Variants in GALNT18 observed in about 807,000 individuals in gnomAD.
The protein encoded by GALNT18 is GalNAc-transferase 18.
GALNT18 carries 44 observed loss-of-function variants against 69.5 expected under a neutral mutation model. That is an observed-to-expected ratio of 0.63 (90% CI 0.50 to 0.81). The LOEUF (loss-of-function observed/expected upper bound fraction) is 0.81, where lower values mean the gene tolerates loss of function less well. Ranked by LOEUF, GALNT18 falls within the 40% of genes least tolerant of loss-of-function variation. The pLI is 0.00. For missense variants in GALNT18, 715 were observed against 810.0 expected (o/e 0.88, Z 1.42); for synonymous variants, 364 against 318.2 (o/e 1.14, Z -1.53).
At chr11:11,368,334 C>A (rs1409357346) in intron 6 of GALNT18, among the ~76,000 whole-genome samples, 2 of 152,168 alleles carry the variant, frequency 1.3e-5, no homozygotes, top group African/African-American at 4.8e-5. Context: ...CTTCTTAAAT[C>A]TGAGGATTGG....
At chr11:11,376,145 G>C (rs904236946) in intron 5 of GALNT18, among the ~76,000 whole-genome samples, 11 of 152,168 alleles carry the variant, frequency 7.2e-5, no homozygotes, top group African/African-American at 2.7e-4. Flanking sequence ...CACTTTGGGA[G>C]GCCGAGGCGG....
intron 1 of GALNT18, among the ~76,000 whole-genome samples, chr11:11,456,026 C>T (rs1243272698): frequency 2.0e-5 from 3 of 152,180 alleles, no homozygotes; most frequent in African/African-American, 7.2e-5. Flanking sequence ...GAGGTCGAGG[C>T]TGCAGTGAGC....
chr11:11,287,920 GT>G (rs1849223180), intron 10 of GALNT18, among the ~76,000 whole-genome samples: 2 of 152,136 alleles, frequency 1.3e-5, no homozygotes, highest in Non-Finnish European at 2.9e-5. Context: ...CCATCATTGT[GT>G]AATAACCTGC....
Position 11,463,193 on chromosome 11 carries a change from C to T in GALNT18, c.236-14257G>A, listed in dbSNP as rs1856082959. Among the ~76,000 whole-genome samples, 1 of 137,734 alleles carries T rather than the reference C, an allele frequency of 7.3e-6. No individual in the cohort carries two copies. Among genetic ancestry groups the T allele is most frequent in the Non-Finnish European group, 1.6e-5 (1 of 64,220 alleles). The allele number at this position is 137,734 out of a possible 152,430, so 90.4% of individuals were successfully genotyped here. On this transcript the variant is annotated intron_variant, in intron 1 of 10. Transcript: ENST00000227756. This position sits in a 1 kb window ranked among gnomAD's most constrained non-coding sequence, Gnocchi z 4.2. The stretch of plus-strand genomic sequence containing the variant: ...GTATCCTCACACATGGACATACACA[C>T]TCAGACAGACAGACAGACACACACA...
In GALNT18 at chr11:11,613,938, G is replaced by A. The variant is rs138468786; in HGVS notation, c.235+7421C>T. On this transcript the variant is annotated intron_variant, in intron 1 of 10. Coordinates refer to ENST00000227756, the MANE Select transcript of GALNT18 (RefSeq NM_198516.3). This position sits in a 1 kb window ranked among gnomAD's most constrained non-coding sequence, Gnocchi z 4.2. ...TTACATTTATCACTCACATTCAGCCGGGTTTTCCCTCCAGGAACTTTCTGT... is the reference window on the plus strand; with the variant it reads ...TTACATTTATCACTCACATTCAGCCAGGTTTTCCCTCCAGGAACTTTCTGT... 2.0e-3 allele frequency among the ~76,000 whole-genome samples: 308 copies of A among 152,214 alleles called. 2 individuals are homozygous for A. Among genetic ancestry groups the A allele is most frequent in the African/African-American group, 7.1e-3 (293 of 41,532 alleles).
chr11:11,324,976 A>G (rs931873529), intron 9 of GALNT18, among the ~76,000 whole-genome samples: 2 of 152,254 alleles, frequency 1.3e-5, no homozygotes, highest in South Asian at 4.1e-4. Flanking sequence ...AAGTAGAACT[A>G]CCATTTGATC....
rs1374154041 is a variant in GALNT18, at chr11:11,459,514, T to G, written c.236-10578A>C. Reference sequence around the variant, plus strand: ...AGGGTGGGGTCTGCCATCCAAGAGATGTCCCACTGCAAGGCCAAGTGCAGA... The same window carrying G: ...AGGGTGGGGTCTGCCATCCAAGAGAGGTCCCACTGCAAGGCCAAGTGCAGA... On this transcript the variant is annotated intron_variant, in intron 1 of 10. Coordinates refer to ENST00000227756, the MANE Select transcript of GALNT18 (RefSeq NM_198516.3). This position sits in a 1 kb window ranked among gnomAD's most constrained non-coding sequence, Gnocchi z 5.0. 6.6e-6 allele frequency among the ~76,000 whole-genome samples: 1 copy of G among 152,178 alleles called. No individual in the cohort carries two copies. Among genetic ancestry groups the G allele is most frequent in the Non-Finnish European group, 1.5e-5 (1 of 68,034 alleles).
At chr11:11,330,387 C>T (rs1590041273) in intron 8 of GALNT18, among the ~76,000 whole-genome samples, 1 of 152,216 alleles carries the variant, frequency 6.6e-6, no homozygotes, top group Non-Finnish European at 1.5e-5. Flanking sequence ...ATTGTGGCTG[C>T]ATCCCACTTT....
chr11:11,523,643 C>T lies in GALNT18; in HGVS notation c.236-74707G>A, dbSNP rs372303312. On this transcript the variant is annotated intron_variant, in intron 1 of 10. Transcript: ENST00000227756. The surrounding 1 kb of genome is among the most constrained non-coding windows in gnomAD (Gnocchi z 4.3). ...CTGAGGCAGGAGAATGGTGAGAACC[C>T]GGGAGGAAGAGGTTGCAGTGAGCCG... 5.2e-4 allele frequency among the ~76,000 whole-genome samples: 79 copies of T among 151,194 alleles called. No individual in the cohort carries two copies. Among genetic ancestry groups the T allele is most frequent in the African/African-American group, 1.8e-3 (74 of 41,110 alleles).
chr11:11,281,169 G>A (rs950752712), intron 10 of GALNT18, among the ~76,000 whole-genome samples: 1 of 152,160 alleles, frequency 6.6e-6, no homozygotes, highest in Non-Finnish European at 1.5e-5. Context: ...TAATTTGCAA[G>A]ATCTGTTGGC....
rs1014816297 is a variant in GALNT18, at chr11:11,621,641, G to A, written c.-48C>T. The A allele has an allele frequency of 9.1e-6, 13 of 1,429,568 alleles. No homozygotes were observed. The African/African-American group carries it at 1.3e-4, about 14-fold the overall frequency. 88.6% of individuals were successfully genotyped at this position (1,429,568 alleles called of 1,614,324 possible). On this transcript the variant is annotated 5_prime_UTR_variant, in exon 1 of 11. It adds an upstream start codon to the 5' untranslated region. Transcript: ENST00000227756. This position sits in a 1 kb window ranked among gnomAD's most constrained non-coding sequence, Gnocchi z 9.3. ...GAGCTCCCGGGGGCCCTTCCTTGTC[G>A]TGCGCCCCGAACTCCCCCGCGCTCG...
At position 11,616,855 on chromosome 11, in the gene GALNT18, T is replaced by C. The variant is rs1232934726; in HGVS notation, c.235+4504A>G. ...CAATGAAATATGACGGCTAAAAAGA[T>C]GAGTGTTGTTTCTAAGAAAATTACT... is the stretch of plus-strand genomic sequence containing the variant. On this transcript the variant is annotated intron_variant, in intron 1 of 10. Transcript: ENST00000227756. This position sits in a 1 kb window ranked among gnomAD's most constrained non-coding sequence, Gnocchi z 4.4. Among the ~76,000 whole-genome samples the C allele has an allele frequency of 6.6e-6, 1 of 152,348 alleles. No individual in the cohort carries two copies. Among genetic ancestry groups the C allele is most frequent in the African/African-American group, 2.4e-5 (1 of 41,574 alleles).
intron 10 of GALNT18, among the ~76,000 whole-genome samples, chr11:11,284,930 T>TTTTTTTTTTTTTTTTTTTTTA (rs1554909662): frequency 7.4e-6 from 1 of 134,636 alleles, no homozygotes; most frequent in African/African-American, 2.7e-5. Flanking sequence ...TTTTTTTTTT[T>TTTTTTTTTTTTTTTTTTTTTA]AACTACTTGG....
chr11:11,497,541 C>G lies in GALNT18; in HGVS notation c.236-48605G>C, dbSNP rs1231029769. Among the ~76,000 whole-genome samples the G allele has an allele frequency of 2.0e-5, 3 of 152,024 alleles. No individual in the cohort carries two copies. Among genetic ancestry groups the G allele is most frequent in the Non-Finnish European group, 2.9e-5 (2 of 68,012 alleles). ...ATTTGTGCTGAATGAAAGAATACTC[C>G]AAAAGGTTCTCGTATGAATGAAATG... On this transcript the variant is annotated intron_variant, in intron 1 of 10. Coordinates refer to ENST00000227756, the MANE Select transcript of GALNT18 (RefSeq NM_198516.3). The surrounding 1 kb of genome is among the most constrained non-coding windows in gnomAD (Gnocchi z 4.2).
At position 11,387,119 on chromosome 11, in the gene GALNT18, G is replaced by A. The variant is rs1366022360; in HGVS notation, c.596-7855C>T. Among the ~76,000 whole-genome samples, 1 of 152,182 alleles carries A rather than the reference G, an allele frequency of 6.6e-6. No homozygotes were observed. Among genetic ancestry groups the A allele is most frequent in the African/African-American group, 2.4e-5 (1 of 41,440 alleles). ...CAGCCCATAACACAAGGATGTAAAT[G>A]CAGTCTGAAAACGGCTGCCTCACAC... On this transcript the variant is annotated intron_variant, in intron 3 of 10. Coordinates refer to ENST00000227756, the MANE Select transcript of GALNT18 (RefSeq NM_198516.3). The surrounding 1 kb of genome is among the most constrained non-coding windows in gnomAD (Gnocchi z 4.6).
intron 1 of GALNT18, among the ~76,000 whole-genome samples, chr11:11,568,164 G>A (rs4910384): frequency 0.4 from 61,129 of 152,148 alleles, 13,288 homozygotes; most frequent in South Asian, 0.55. Context: ...GAGAAAGTAT[G>A]TGGAGCAGAA....
intron 3 of GALNT18, among the ~76,000 whole-genome samples, chr11:11,416,731 A>T (rs1854871197): frequency 6.6e-6 from 1 of 152,192 alleles, no homozygotes; most frequent in South Asian, 2.1e-4. Context: ...GACATACTCC[A>T]CAACCATCCC....
At chr11:11,398,626 AG>A (rs1854388606) in intron 3 of GALNT18, among the ~76,000 whole-genome samples, 1 of 152,226 alleles carries the variant, frequency 6.6e-6, no homozygotes, top group Non-Finnish European at 1.5e-5. Flanking sequence ...ACTGATCCCA[AG>A]AAGCTCCAGT....
chr11:11,614,195 A>G lies in GALNT18; in HGVS notation c.235+7164T>C, dbSNP rs1235511174. ...GTAATTTATAAAATTATAAATTTAT[A>G]ATTTGGCTCATAGTTCTGCAAGCTG... On this transcript the variant is annotated intron_variant, in intron 1 of 10. Coordinates refer to ENST00000227756, the MANE Select transcript of GALNT18 (RefSeq NM_198516.3). The surrounding 1 kb of genome is among the most constrained non-coding windows in gnomAD (Gnocchi z 5.6). Among the ~76,000 whole-genome samples, 1 of 152,116 alleles carries G rather than the reference A, an allele frequency of 6.6e-6. No individual in the cohort carries two copies. The highest frequency in any genetic ancestry group is 6.5e-5 in the Admixed American group (1 of 15,276).
Sources: gnomAD v4.1 joint callset for allele counts (sites outside exome capture counted in the v4.1 genomes callset) on GRCh38, gnomAD v4.1.1 for gene constraint, Gnocchi (gnomAD v3.1) non-coding constraint, MANE v1.5 for transcripts, NCBI Gene and HGNC (gene_info 2026-07-23, HGNC 2026-07-21) for gene names.